The following PRKCB variants were observed in gnomAD, a reference collection of about 807,000 sequenced individuals.
PRKCB encodes the protein protein kinase C beta.
In PRKCB, 13 loss-of-function variants were observed where a neutral mutation model predicts 81.5. The ratio of observed to expected loss-of-function variants is 0.16; its 90% CI spans 0.10 to 0.25. PRKCB has a LOEUF of 0.25. Among genes scored for constraint, PRKCB ranks in the 10% least tolerant of loss-of-function variants. The pLI, the probability that PRKCB is intolerant of heterozygous loss-of-function variation, is 1.00. For synonymous variants in PRKCB, 335 were observed against 321.4 expected, an observed-to-expected ratio of 1.04 and a Z score of -0.45; for missense variants, 509 against 875.7, an observed-to-expected ratio of 0.58 and a Z score of 5.29.
chr16:24,183,499 T>C (rs1967658911), intron 13 of PRKCB, among the ~76,000 whole-genome samples: 1 of 152,226 alleles, frequency 6.6e-6, no homozygotes, highest in South Asian at 2.1e-4. Context: ...TTTCTGATTT[T>C]GGAATAGAAA....
intron 7 of PRKCB, among the ~76,000 whole-genome samples, chr16:24,106,387 G>A (rs1966578809): frequency 6.6e-6 from 1 of 152,116 alleles, no homozygotes; most frequent in South Asian, 2.1e-4. Context: ...ATAAGAAATT[G>A]GAGAATTTCA....
chr16:24,098,452 AC>A (rs1004125015), intron 7 of PRKCB: 1 of 152,240 alleles, frequency 6.6e-6, no homozygotes, highest in Non-Finnish European at 1.5e-5. Context: ...CTAGAATGAA[AC>A]AAAAAAAAGA....
chr16:24,057,016 G>A (rs1381248144), intron 5 of PRKCB, among the ~76,000 whole-genome samples: 2 of 152,150 alleles, frequency 1.3e-5, no homozygotes, highest in South Asian at 2.1e-4. Flanking sequence ...ATTATTTATG[G>A]CCACTAAAAT....
chr16:24,220,027 A>G lies in PRKCB; in HGVS notation c.*5211A>G, dbSNP rs1323202929. 1.9e-6 allele frequency: 3 copies of G among 1,613,974 alleles called. No individual in the cohort carries two copies. Among genetic ancestry groups the G allele is most frequent in the Middle Eastern group, 1.6e-4 (1 of 6,084 alleles). On this transcript the variant is annotated 3_prime_UTR_variant, in exon 17 of 17. Transcript: ENST00000643927. ...CAGACAGCCTGTGGAACTGACCCCC[A>G]CTGATAAACTCTTCATCATGAACTT...
intron 2 of PRKCB, among the ~76,000 whole-genome samples, chr16:23,920,466 G>A (rs1161336677): frequency 6.6e-6 from 1 of 152,230 alleles, no homozygotes; most frequent in African/African-American, 2.4e-5. Flanking sequence ...GTCAGCAGGA[G>A]TACAGTTCTG....
At chr16:24,035,660 G>C in intron 5 of PRKCB, 113 bp downstream of exon 5, 4 of 890,432 alleles carry the variant, frequency 4.5e-6, no homozygotes, top group African/African-American at 1.7e-5. Flanking sequence ...GCAGTCCAGG[G>C]ACGGGGAGGG....
At chr16:23,902,728 T>TCCTCCCTCCCCCCCTCCCTCCCTC (rs1482776399) in intron 2 of PRKCB, among the ~76,000 whole-genome samples, 1 of 20,340 alleles carries the variant, frequency 4.9e-5, no homozygotes, top group Non-Finnish European at 8.3e-5. Flanking sequence ...CTCCCTCCCT[T>TCCTCCCTCCCCCCCTCCCTCCCTC]CCTCCCTTCC....
At chr16:23,836,551 G>A (rs898509697) in intron 1 of PRKCB, among the ~76,000 whole-genome samples, 1 of 152,088 alleles carries the variant, frequency 6.6e-6, no homozygotes. Context: ...GGTCCCAGAC[G>A]GGCCGCCGCG....
intron 2 of PRKCB, among the ~76,000 whole-genome samples, chr16:23,847,481 C>A (rs1376401559): frequency 6.6e-6 from 1 of 150,618 alleles, no homozygotes; most frequent in Non-Finnish European, 1.5e-5. Context: ...TCCATCCACC[C>A]AGCTATTCTT....
At chr16:24,066,339 A>C (rs1464719389) in intron 5 of PRKCB, among the ~76,000 whole-genome samples, 1 of 152,002 alleles carries the variant, frequency 6.6e-6, no homozygotes, top group Non-Finnish European at 1.5e-5. Flanking sequence ...GATTTTTCTT[A>C]ATAATCTGTT....
chr16:23,994,937 C>T (rs1484501552), intron 3 of PRKCB, among the ~76,000 whole-genome samples: 1 of 152,072 alleles, frequency 6.6e-6, no homozygotes, highest in African/African-American at 2.4e-5. Flanking sequence ...GACAATGGTC[C>T]TTTACATTGA....
intron 2 of PRKCB, among the ~76,000 whole-genome samples, chr16:23,900,654 A>G (rs1963455344): frequency 7.1e-6 from 1 of 141,628 alleles, no homozygotes; most frequent in African/African-American, 2.6e-5. Context: ...GTGATGACGT[A>G]TCTTAGAGAT....
intron 11 of PRKCB, among the ~76,000 whole-genome samples, chr16:24,173,442 C>A (rs1324073457): frequency 1.3e-5 from 2 of 152,126 alleles, no homozygotes; most frequent in Non-Finnish European, 2.9e-5. Flanking sequence ...TGGCTCCTAC[C>A]CAGTTCAGCT....
At chr16:24,032,005 C>T (rs538629650) in intron 3 of PRKCB, 131 bp from the exon 4 acceptor site, 4 of 616,468 alleles carry the variant, frequency 6.5e-6, no homozygotes, top group South Asian at 6.1e-5. Context: ...CAGCGATGGT[C>T]CCAACAGGTA....
chr16:23,846,328 G>C (rs1442197330), intron 2 of PRKCB, among the ~76,000 whole-genome samples: 1 of 151,764 alleles, frequency 6.6e-6, no homozygotes, highest in African/African-American at 2.4e-5. Context: ...TAAAACTATG[G>C]GCTGGGTATG....
At chr16:24,071,244 T>A (rs957765001) in intron 5 of PRKCB, among the ~76,000 whole-genome samples, 4 of 151,990 alleles carry the variant, frequency 2.6e-5, no homozygotes, top group African/African-American at 9.7e-5. Flanking sequence ...CCTTCAGACC[T>A]CTCAGAACTC....
chr16:23,888,125 G>C (rs1440634149), intron 2 of PRKCB, among the ~76,000 whole-genome samples: 1 of 152,142 alleles, frequency 6.6e-6, no homozygotes, highest in Non-Finnish European at 1.5e-5. Flanking sequence ...TTCTTGCAAG[G>C]ACTACCTAGA....
intron 5 of PRKCB, among the ~76,000 whole-genome samples, chr16:24,084,831 C>A (rs1192655444): frequency 6.6e-6 from 1 of 152,098 alleles, no homozygotes; most frequent in Admixed American, 6.5e-5. Context: ...GGGAAATTAA[C>A]TAGGGACACC....
At chr16:23,937,440 C>T (rs373760939) in intron 2 of PRKCB, among the ~76,000 whole-genome samples, 35 of 152,278 alleles carry the variant, frequency 2.3e-4, no homozygotes, top group African/African-American at 7.9e-4. Context: ...GTCTTGGCAT[C>T]GGGTTGAAAA....
Sources: gnomAD v4.1 joint callset for allele counts (sites outside exome capture counted in the v4.1 genomes callset) on GRCh38, gnomAD v4.1.1 for gene constraint, MANE v1.5 for transcripts, NCBI Gene and HGNC (gene_info 2026-07-23, HGNC 2026-07-21) for gene names.